The following RNPC3 variants were observed in gnomAD, a reference collection of about 807,000 sequenced individuals.
RNPC3 encodes the protein RNA-binding region-containing protein 3.
RNPC3 carries 48 observed loss-of-function variants against 67.5 expected under a neutral mutation model. The observed-to-expected ratio is 0.71, with a 90% confidence interval of 0.56 to 0.90. The LOEUF is 0.90. RNPC3 is among the 40% of genes least tolerant of loss of function. The pLI, the probability that RNPC3 is intolerant of heterozygous loss-of-function variation, is 0.00. For synonymous variants in RNPC3, 239 were observed against 210.3 expected (o/e 1.14, Z -1.18); for missense variants, 637 against 626.1 (o/e 1.02, Z -0.19).
chr1:103,538,473 C>A (rs149098971), intron 7 of RNPC3, among the ~76,000 whole-genome samples: 1 of 152,030 alleles, frequency 6.6e-6, no homozygotes, highest in South Asian at 2.1e-4. Context: ...GCCAGAGTTA[C>A]GATAGTATTG....
At chr1:103,549,563 ATTAC>A (rs921565276) in intron 12 of RNPC3, among the ~76,000 whole-genome samples, 1 of 152,130 alleles carries the variant, frequency 6.6e-6, no homozygotes, top group African/African-American at 2.4e-5. Flanking sequence ...TTTTTTATGT[ATTAC>A]TTTGGTAGTC....
rs1247547577 is a variant in RNPC3 at position 103,534,864 on chromosome 1, A to T, written c.443+7A>T. On this transcript the variant is annotated splice_region_variant and intron_variant, in intron 4 of 14. Coordinates refer to ENST00000423855, the MANE Select transcript of RNPC3 (RefSeq NM_017619.4). ...GAATTGCACCAAACCATGGGTTAGC[A>T]TTTTTGTTTGCTTTTCTTTTGCTTT... is the stretch of plus-strand genomic sequence containing the variant. 1.3e-6 allele frequency: 2 copies of T among 1,511,084 alleles called. No homozygotes were observed. The highest frequency in any genetic ancestry group is 2.4e-5 in the South Asian group (2 of 81,858). 93.6% of individuals were successfully genotyped at this position (1,511,084 alleles called of 1,614,324 possible). A position where few individuals can be genotyped will look rare whatever the true frequency, so the allele number is the denominator to read the frequency against.
At chr1:103,541,329 T>C in intron 7 of RNPC3, 21 bp from the exon 8 acceptor site, 1 of 1,476,168 alleles carries the variant, frequency 6.8e-7, no homozygotes, top group Non-Finnish European at 8.9e-7. Flanking sequence ...ATTTTGTTTA[T>C]CATCCCTCTC....
intron 7 of RNPC3, among the ~76,000 whole-genome samples, chr1:103,539,161 T>A (rs545301896): frequency 7.2e-5 from 11 of 152,276 alleles, no homozygotes; most frequent in Admixed American, 5.9e-4. Flanking sequence ...TGCAGGACTC[T>A]AATGGGAAAA....
At position 103,535,332 on chromosome 1, in the gene RNPC3, TGAC is replaced by T. The variant is rs759271933; in HGVS notation, c.447_449del (p.Thr150del). 1 of 1,530,198 alleles carries T rather than the reference TGAC, an allele frequency of 6.5e-7. No homozygotes were observed. Among genetic ancestry groups the T allele is most frequent in the Non-Finnish European group, 8.8e-7 (1 of 1,142,036 alleles). 94.8% of individuals were successfully genotyped at this position (1,530,198 alleles called of 1,614,324 possible). On this transcript the variant is annotated inframe_deletion, in exon 5 of 15. Transcript: ENST00000423855. ...CTTAAATGTTTTTTGTTTTATAGGC[TGAC>T]TTTTCCTTTAAATTCATGCCTCAAG...
intron 2 of RNPC3, among the ~76,000 whole-genome samples, chr1:103,528,959 G>T (rs1650777164): frequency 6.6e-6 from 1 of 152,166 alleles, no homozygotes; most frequent in South Asian, 2.1e-4. Flanking sequence ...TCGGTAAAAG[G>T]AAGGGAAGCC....
intron 2 of RNPC3, among the ~76,000 whole-genome samples, chr1:103,532,566 A>G (rs2101043496): frequency 6.6e-6 from 1 of 152,252 alleles, no homozygotes; most frequent in East Asian, 1.9e-4. Context: ...TTAAATCACC[A>G]ACATAATATG....
chr1:103,552,789 T>C (rs1048657213), intron 14 of RNPC3: 2 of 151,972 alleles, frequency 1.3e-5, no homozygotes, highest in Non-Finnish European at 2.9e-5. Flanking sequence ...TCTACAGTGC[T>C]GAGTATATAA....
At chr1:103,526,822 A>G (rs1292961262) in intron 1 of RNPC3, among the ~76,000 whole-genome samples, 1 of 152,174 alleles carries the variant, frequency 6.6e-6, no homozygotes, top group Non-Finnish European at 1.5e-5. Flanking sequence ...GAATTTACAC[A>G]ATTACTTTGT....
intron 11 of RNPC3, 94 bp downstream of exon 11, chr1:103,546,436 A>C: frequency 1.7e-6 from 1 of 575,658 alleles, no homozygotes; most frequent in Non-Finnish European, 2.9e-6. Context: ...ACCTTTAAGA[A>C]TGTGGTTTTC....
At chr1:103,548,771 T>C (rs1651310348) in intron 12 of RNPC3, among the ~76,000 whole-genome samples, 3 of 152,178 alleles carry the variant, frequency 2.0e-5, no homozygotes. Flanking sequence ...TTTACTGTAT[T>C]AGTCTGTTTT....
At chr1:103,534,966 ATTGC>A (rs1650945785) in intron 4 of RNPC3, 109 bp downstream of exon 4, 3 of 601,206 alleles carry the variant, frequency 5.0e-6, no homozygotes, top group Admixed American at 3.5e-5. Flanking sequence ...CAGATATCTT[ATTGC>A]TTATTGTATA....
In RNPC3 at chr1:103,542,847, C is replaced by T. The variant is rs577757311; in HGVS notation, c.894-449C>T. 9.2e-5 allele frequency among the ~76,000 whole-genome samples: 14 copies of T among 151,490 alleles called. No homozygotes were observed. The East Asian group carries it at 1.9e-3, about 21-fold the overall frequency. On this transcript the variant is annotated intron_variant, in intron 8 of 14. Coordinates refer to ENST00000423855, the MANE Select transcript of RNPC3 (RefSeq NM_017619.4). ...ATTTTGGATATAATGAGAAATAATA[C>T]GTTATATTATCAATATTTCATCTGT...
intron 9 of RNPC3, among the ~76,000 whole-genome samples, chr1:103,544,670 G>A (rs1165527378): frequency 6.6e-6 from 1 of 151,518 alleles, no homozygotes; most frequent in Non-Finnish European, 1.5e-5. Context: ...TGCCTTTTCA[G>A]GTAGCTCCTT....
chr1:103,537,331 C>A lies in RNPC3; in HGVS notation c.625-11C>A. The A allele has an allele frequency of 6.6e-7, 1 of 1,511,626 alleles. No homozygotes were observed. Among genetic ancestry groups the A allele is most frequent in the Non-Finnish European group, 8.8e-7 (1 of 1,135,634 alleles). The allele number at this position is 1,511,626 out of a possible 1,614,324, so 93.6% of individuals were successfully genotyped here. On this transcript the variant is annotated splice_polypyrimidine_tract_variant and intron_variant, in intron 6 of 14. Transcript: ENST00000423855. ...ACTGCCATAGTATTTTTGTTTTATTCTTTTAATTAGTATGAAGACTATATG... is the reference window on the plus strand; with the variant it reads ...ACTGCCATAGTATTTTTGTTTTATTATTTTAATTAGTATGAAGACTATATG...
At chr1:103,529,963 A>C (rs1650808028) in intron 2 of RNPC3, among the ~76,000 whole-genome samples, 1 of 152,122 alleles carries the variant, frequency 6.6e-6, no homozygotes, top group African/African-American at 2.4e-5. Flanking sequence ...TGTGAACTGC[A>C]CATGCAAGGG....
At chr1:103,527,766 A>C in intron 2 of RNPC3, 24 bp downstream of exon 2, 1 of 1,506,038 alleles carries the variant, frequency 6.6e-7, no homozygotes, top group Non-Finnish European at 9.0e-7. Context: ...TTGACGATTA[A>C]AGTTGTCAAC....
At chr1:103,548,301 T>C (rs777018729) in intron 12 of RNPC3, among the ~76,000 whole-genome samples, 2 of 152,200 alleles carry the variant, frequency 1.3e-5, no homozygotes, top group Admixed American at 1.3e-4. Context: ...TTTTCCGAAC[T>C]TTTATGCTGT....
intron 1 of RNPC3, 52 bp downstream of exon 1, chr1:103,526,314 G>T (rs945996228): frequency 2.1e-6 from 3 of 1,426,290 alleles, no homozygotes; most frequent in African/African-American, 2.9e-5. Flanking sequence ...GGAAGTGACC[G>T]GGGAGGGGGA....
Sources: gnomAD v4.1 joint callset for allele counts (sites outside exome capture counted in the v4.1 genomes callset) on GRCh38, gnomAD v4.1.1 for gene constraint, MANE v1.5 for transcripts, NCBI Gene and HGNC (gene_info 2026-07-23, HGNC 2026-07-21) for gene names.